The following RPH3AL variants were observed in gnomAD, a reference collection of about 807,000 sequenced individuals.
The protein encoded by RPH3AL is rabphilin 3A like (without C2 domains).
In RPH3AL, 38 loss-of-function variants were observed where a neutral mutation model predicts 43.1. The observed-to-expected ratio is 0.88, with a 90% CI of 0.68 to 1.15. RPH3AL has a LOEUF of 1.15. RPH3AL is among the 50% of genes most tolerant of loss of function. RPH3AL has a pLI of 0.00. For missense variants in RPH3AL, 462 were observed against 423.2 expected, an observed-to-expected ratio of 1.09 and a Z score of -0.81; for synonymous variants, 189 against 176.3, an observed-to-expected ratio of 1.07 and a Z score of -0.57.
chr17:327,872 G>A (rs1425497466), intron 2 of RPH3AL, among the ~76,000 whole-genome samples: 1 of 152,184 alleles, frequency 6.6e-6, no homozygotes, highest in African/African-American at 2.4e-5. Flanking sequence ...GAGAGAGGAG[G>A]CTCACCCTTA....
intron 1 of RPH3AL, among the ~76,000 whole-genome samples, chr17:343,840 T>C (rs2045179455): frequency 6.6e-6 from 1 of 152,190 alleles, no homozygotes; most frequent in East Asian, 1.9e-4. Flanking sequence ...TGAGAAAACC[T>C]GATAGAGGTG....
Position 225,434 on chromosome 17 carries a change from T to C in RPH3AL, c.614-5698A>G, listed in dbSNP as rs2041085994. ...GGTGTCAGTTTTATAAGCATTTCTG[T>C]AGTTTTGACTCACTGATGAGATGCC... On this transcript the variant is annotated intron_variant, in intron 7 of 9. Transcript: ENST00000331302. This position sits in a 1 kb window ranked among gnomAD's most constrained non-coding sequence, Gnocchi z 4.4. 1.3e-5 allele frequency among the ~76,000 whole-genome samples: 2 copies of C among 152,114 alleles called. No homozygotes were observed. The highest frequency in any genetic ancestry group is 2.1e-4 in the South Asian group (1 of 4,812).
At chr17:220,691 G>A (rs1597873433) in intron 7 of RPH3AL, among the ~76,000 whole-genome samples, 2 of 71,858 alleles carry the variant, frequency 2.8e-5, no homozygotes, top group East Asian at 8.7e-4. Context: ...CAGCTCTGAG[G>A]CCTCCACTCA....
chr17:240,902 C>CA (rs2041513727), intron 7 of RPH3AL, among the ~76,000 whole-genome samples: 1 of 151,586 alleles, frequency 6.6e-6, no homozygotes, highest in Non-Finnish European at 1.5e-5. Flanking sequence ...ACTAAACATA[C>CA]AAAAAATGAG....
chr17:276,980 T>C (rs559682096), intron 6 of RPH3AL, among the ~76,000 whole-genome samples: 1 of 152,256 alleles, frequency 6.6e-6, no homozygotes, highest in South Asian at 2.1e-4. Context: ...TGCACCCTTA[T>C]TTTTTTAATT....
chr17:219,192 CTT>C (rs796389217), intron 8 of RPH3AL, among the ~76,000 whole-genome samples: 8,986 of 56,558 alleles, frequency 0.16, 185 homozygotes, highest in Non-Finnish European at 0.21. Context: ...ATAAACAGCA[CTT>C]TTTTTTTTTT....
chr17:241,718 T>C (rs921685613), intron 7 of RPH3AL, among the ~76,000 whole-genome samples: 1 of 98,950 alleles, frequency 1.0e-5, no homozygotes, highest in Non-Finnish European at 2.1e-5. Flanking sequence ...TTTCTTTTTT[T>C]TTCTTTTTTT....
chr17:304,356 C>A (rs547796401), intron 5 of RPH3AL, among the ~76,000 whole-genome samples: 1 of 151,822 alleles, frequency 6.6e-6, no homozygotes, highest in African/African-American at 2.4e-5. Context: ...GAGCCCAGGC[C>A]GGGAGGACGC....
rs1047345244 is a variant in RPH3AL, at chr17:245,367, G to A, written c.613+1744C>T. ...TGAGTGTGTATGTGGATGTCAGTGT[G>A]TGTGTGTGGATGTCAGTGTGTGTGT... On this transcript the variant is annotated intron_variant, in intron 7 of 9. Coordinates refer to ENST00000331302, the MANE Select transcript of RPH3AL (RefSeq NM_006987.4). The surrounding 1 kb of genome is among the most constrained non-coding windows in gnomAD (Gnocchi z 5.9). 8.6e-5 allele frequency among the ~76,000 whole-genome samples: 13 copies of A among 151,314 alleles called. No individual in the cohort carries two copies. Among genetic ancestry groups the A allele is most frequent in the Admixed American group, 7.3e-4 (11 of 15,142 alleles).
intron 5 of RPH3AL, among the ~76,000 whole-genome samples, chr17:303,791 A>G (rs868782440): frequency 1.6e-3 from 75 of 48,280 alleles, no homozygotes; most frequent in Middle Eastern, 7.8e-3. Flanking sequence ...ATAATTATTG[A>G]GCAGTGACCG....
At chr17:266,740 T>G (rs2042335220) in intron 6 of RPH3AL, among the ~76,000 whole-genome samples, 1 of 152,254 alleles carries the variant, frequency 6.6e-6, no homozygotes, top group Non-Finnish European at 1.5e-5. Flanking sequence ...AGGGTGCTGT[T>G]TTCTTGACAG....
chr17:222,387 C>G (rs2041013203), intron 7 of RPH3AL, among the ~76,000 whole-genome samples: 1 of 152,226 alleles, frequency 6.6e-6, no homozygotes, highest in African/African-American at 2.4e-5. Flanking sequence ...GGCCTGGGCT[C>G]TCATCCCAGT....
At chr17:320,528 C>G (rs1222063914) in intron 4 of RPH3AL, among the ~76,000 whole-genome samples, 7 of 152,008 alleles carry the variant, frequency 4.6e-5, no homozygotes, top group Admixed American at 4.6e-4. Flanking sequence ...ACGGTCCTAG[C>G]TACTTAAGGC....
At chr17:305,002 GA>G (rs1465229791) in intron 5 of RPH3AL, among the ~76,000 whole-genome samples, 1 of 47,360 alleles carries the variant, frequency 2.1e-5, no homozygotes, top group Non-Finnish European at 4.1e-5. Flanking sequence ...GGCGAGAGGG[GA>G]CAGGGCGAGA....
chr17:314,723 C>T (rs57346674), intron 5 of RPH3AL, among the ~76,000 whole-genome samples: 18,866 of 40,978 alleles, frequency 0.46, 3,048 homozygotes, highest in Middle Eastern at 0.48. Flanking sequence ...TCCACCTCCA[C>T]TGACCTGTAG....
chr17:284,819 G>C (rs2042866617), intron 5 of RPH3AL, among the ~76,000 whole-genome samples: 1 of 152,236 alleles, frequency 6.6e-6, no homozygotes, highest in Non-Finnish European at 1.5e-5. Flanking sequence ...TATCACAGCT[G>C]CAGAGGCCTG....
chr17:245,206 CGT>C lies in RPH3AL; in HGVS notation c.613+1903_613+1904del, dbSNP rs952359251. ...GGATGTCTGTGTGTGTGGATGTGAG[CGT>C]GTGTGTCCATGTGGATGTGTGTGTG... is the stretch of plus-strand genomic sequence containing the variant. On this transcript the variant is annotated intron_variant, in intron 7 of 9. Transcript: ENST00000331302. This position sits in a 1 kb window ranked among gnomAD's most constrained non-coding sequence, Gnocchi z 5.9. Among the ~76,000 whole-genome samples, 1 of 121,168 alleles carries C rather than the reference CGT, an allele frequency of 8.3e-6. No homozygotes were observed. The highest frequency in any genetic ancestry group is 2.6e-4 in the East Asian group (1 of 3,862). 79.5% of individuals were successfully genotyped at this position (121,168 alleles called of 152,430 possible).
chr17:312,334 G>C (rs1248355469), intron 5 of RPH3AL, among the ~76,000 whole-genome samples: 2 of 152,058 alleles, frequency 1.3e-5, no homozygotes, highest in African/African-American at 2.4e-5. Context: ...GGAGAGACTA[G>C]AGCCCTCTCC....
chr17:234,937 C>T (rs1339512362), intron 7 of RPH3AL, among the ~76,000 whole-genome samples: 1 of 152,230 alleles, frequency 6.6e-6, no homozygotes, highest in Non-Finnish European at 1.5e-5. Flanking sequence ...ATTTTACAAT[C>T]CACAACTGCA....
Sources: allele counts gnomAD v4.1 joint callset (sites outside exome capture counted in the v4.1 genomes callset), GRCh38; gene constraint gnomAD v4.1.1; non-coding constraint Gnocchi (gnomAD v3.1); transcripts MANE v1.5; gene names NCBI Gene and HGNC (gene_info 2026-07-23, HGNC 2026-07-21).